The following NELL1 variants were observed in gnomAD, a reference collection of about 807,000 sequenced individuals.
NELL1 encodes the protein protein kinase C-binding protein NELL1.
Under a neutral mutation model 107.4 loss-of-function variants are expected in NELL1, and 76 were observed. That is an observed-to-expected ratio of 0.71 (90% CI 0.59 to 0.86). NELL1 has a LOEUF of 0.86. Ranked by LOEUF, NELL1 falls within the 40% of genes least tolerant of loss-of-function variation. The pLI is 0.00. For synonymous variants in NELL1, 353 were observed against 341.2 expected (o/e 1.03, Z -0.38); for missense variants, 1,024 against 1,005.5 (o/e 1.02, Z -0.25).
chr11:21,304,158 T>C (rs1285907144), intron 14 of NELL1, among the ~76,000 whole-genome samples: 1 of 152,038 alleles, frequency 6.6e-6, no homozygotes, highest in Non-Finnish European at 1.5e-5. Context: ...TTACTGATCA[T>C]GGTTATAATA....
chr11:21,274,760 C>T (rs566656582), intron 14 of NELL1, among the ~76,000 whole-genome samples: 7 of 152,282 alleles, frequency 4.6e-5, no homozygotes, highest in African/African-American at 1.7e-4. Context: ...CAAAACCGCT[C>T]AACTACATGG....
intron 13 of NELL1, among the ~76,000 whole-genome samples, chr11:21,218,572 T>A (rs1235935544): frequency 6.6e-6 from 1 of 152,180 alleles, no homozygotes; most frequent in Non-Finnish European, 1.5e-5. Flanking sequence ...CCTACAGTGT[T>A]ATAGAACACT....
chr11:20,961,671 AT>A (rs1228458422), intron 12 of NELL1, among the ~76,000 whole-genome samples: 1 of 151,916 alleles, frequency 6.6e-6, no homozygotes, highest in Non-Finnish European at 1.5e-5. Context: ...TTATACATGG[AT>A]TTTTTTTCAA....
chr11:21,175,900 T>C (rs1237108830), intron 13 of NELL1, among the ~76,000 whole-genome samples: 4 of 151,918 alleles, frequency 2.6e-5, no homozygotes, highest in Non-Finnish European at 2.9e-5. Flanking sequence ...GGATCTTTAG[T>C]TGACCAATCC....
intron 3 of NELL1, among the ~76,000 whole-genome samples, chr11:20,785,297 G>T (rs796860272): frequency 1.3e-5 from 2 of 152,324 alleles, no homozygotes; most frequent in African/African-American, 4.8e-5. Context: ...TTTTGTGGGG[G>T]TGTTGTCATT....
intron 1 of NELL1, chr11:20,674,678 C>A: frequency 1.4e-6 from 1 of 700,038 alleles, no homozygotes; most frequent in Non-Finnish European, 2.5e-6. Flanking sequence ...TGGACTGAAA[C>A]TGGATCTCAG....
At position 21,016,548 on chromosome 11, in the gene NELL1, C is replaced by T. The variant is rs1466551630; in HGVS notation, c.1300+55988C>T. Among the ~76,000 whole-genome samples the T allele has an allele frequency of 2.6e-5, 4 of 152,064 alleles. No homozygotes were observed. The East Asian group carries it at 7.8e-4, about 30-fold the overall frequency. On this transcript the variant is annotated intron_variant, in intron 12 of 19. Coordinates refer to ENST00000357134, the MANE Select transcript of NELL1 (RefSeq NM_006157.5). ...GTTCCTGTAACAAATCATGCCCAGT[C>T]ACCTCTTGGTGCCTTTATACACAAT...
intron 15 of NELL1, among the ~76,000 whole-genome samples, chr11:21,465,356 A>C (rs1026428516): frequency 1.3e-5 from 2 of 152,030 alleles, no homozygotes; most frequent in African/African-American, 4.8e-5. Flanking sequence ...CTAACCTAGA[A>C]CTCAAATAGG....
At chr11:21,116,674 C>G (rs992398826) in intron 13 of NELL1, among the ~76,000 whole-genome samples, 3 of 151,986 alleles carry the variant, frequency 2.0e-5, no homozygotes, top group Non-Finnish European at 4.4e-5. Context: ...AGGGGTTACA[C>G]TTGATCACCC....
At chr11:20,987,143 A>G (rs1345061113) in intron 12 of NELL1, among the ~76,000 whole-genome samples, 1 of 152,154 alleles carries the variant, frequency 6.6e-6, no homozygotes, top group African/African-American at 2.4e-5. Flanking sequence ...AATTCTATTG[A>G]AAAAGGCCAA....
At chr11:21,355,696 G>A (rs1039806683) in intron 14 of NELL1, among the ~76,000 whole-genome samples, 6 of 152,208 alleles carry the variant, frequency 3.9e-5, no homozygotes, top group African/African-American at 1.4e-4. Flanking sequence ...TAAGTTCTTG[G>A]TGATTATCTG....
intron 15 of NELL1, among the ~76,000 whole-genome samples, chr11:21,476,082 C>T (rs1483158540): frequency 6.6e-6 from 1 of 152,088 alleles, no homozygotes. Context: ...TACCTTTGTA[C>T]TTAAATTAAC....
intron 4 of NELL1, among the ~76,000 whole-genome samples, chr11:20,871,480 A>G (rs1194184318): frequency 6.6e-6 from 1 of 152,186 alleles, no homozygotes; most frequent in Non-Finnish European, 1.5e-5. Context: ...CTATGTATCT[A>G]TCTATCTAAT....
At chr11:21,115,566 A>AG (rs1204403170) in intron 13 of NELL1, among the ~76,000 whole-genome samples, 2 of 147,056 alleles carry the variant, frequency 1.4e-5, no homozygotes, top group Admixed American at 6.6e-5. Flanking sequence ...ATTTTATGTG[A>AG]GTTTTTTTTT....
At chr11:21,509,399 G>T (rs570890830) in intron 15 of NELL1, among the ~76,000 whole-genome samples, 2 of 152,212 alleles carry the variant, frequency 1.3e-5, no homozygotes, top group South Asian at 4.1e-4. Context: ...ATGTATAAAA[G>T]AACATATGAG....
In NELL1 at chr11:21,534,480, TG is replaced by T; in HGVS notation, c.1755del (p.Thr586ProfsTer17). ...CECRSGFHDD[G>X]TYSLSGESCI... Reference sequence around the variant, plus strand: ...AGTGCAGAAGCGGTTTCCATGACGATGGGACCTATTCACTGTCCGGGGAGTC... The same window carrying T: ...AGTGCAGAAGCGGTTTCCATGACGATGGACCTATTCACTGTCCGGGGAGTC... On this transcript the variant is annotated frameshift_variant, in exon 16 of 20. Transcript: ENST00000357134. LOFTEE classifies it high-confidence loss of function. 6.2e-7 allele frequency: 1 copy of T among 1,613,872 alleles called. No individual in the cohort carries two copies. Among genetic ancestry groups the T allele is most frequent in the Non-Finnish European group, 8.5e-7 (1 of 1,179,838 alleles).
At chr11:21,102,328 C>A (rs963463813) in intron 12 of NELL1, among the ~76,000 whole-genome samples, 1 of 152,134 alleles carries the variant, frequency 6.6e-6, no homozygotes, top group Non-Finnish European at 1.5e-5. Flanking sequence ...ATATCACCAC[C>A]ATTACTACCA....
At chr11:21,529,585 G>A (rs1181984930) in intron 15 of NELL1, among the ~76,000 whole-genome samples, 2 of 152,068 alleles carry the variant, frequency 1.3e-5, no homozygotes, top group African/African-American at 4.8e-5. Flanking sequence ...ATCTTTATGA[G>A]GCATGTATTA....
chr11:21,077,653 G>C (rs1036815395), intron 12 of NELL1, among the ~76,000 whole-genome samples: 31 of 151,532 alleles, frequency 2.0e-4, no homozygotes, highest in African/African-American at 6.5e-4. Context: ...TGAAGCACAA[G>C]AATCACTTGA....
Sources: allele counts gnomAD v4.1 joint callset (sites outside exome capture counted in the v4.1 genomes callset), GRCh38; gene constraint gnomAD v4.1.1; transcripts MANE v1.5; gene names NCBI Gene and HGNC (gene_info 2026-07-23, HGNC 2026-07-21).